BBX: variants seen among roughly 807,000 people sequenced by gnomAD.
BBX encodes HMG box transcription factor BBX.
A neutral mutation model predicts 100.2 loss-of-function variants in BBX; 30 were observed. The ratio of observed to expected loss-of-function variants is 0.30; its 90% CI spans 0.22 to 0.41. The LOEUF is 0.41. Ranked by LOEUF, BBX falls within the 10% of genes least tolerant of loss-of-function variation. The pLI, the probability that BBX is intolerant of heterozygous loss-of-function variation, is 1.00. For missense variants in BBX, 1,023 were observed against 1,129.8 expected, an observed-to-expected ratio of 0.91 and a Z score of 1.35; for synonymous variants, 376 against 388.1, an observed-to-expected ratio of 0.97 and a Z score of 0.37.
intron 3 of BBX, among the ~76,000 whole-genome samples, chr3:107,690,695 A>G (rs1393283753): frequency 6.6e-6 from 1 of 152,040 alleles, no homozygotes; most frequent in Non-Finnish European, 1.5e-5. Flanking sequence ...TAGAAAATAA[A>G]AATTTGGCCA....
intron 2 of BBX, among the ~76,000 whole-genome samples, chr3:107,610,379 C>T (rs1038056035): frequency 1.3e-5 from 2 of 152,034 alleles, no homozygotes; most frequent in African/African-American, 2.4e-5. Context: ...TTCATTTGAT[C>T]TGTAGCATAG....
chr3:107,754,984 A>G (rs941421450), intron 9 of BBX, among the ~76,000 whole-genome samples: 1 of 152,212 alleles, frequency 6.6e-6, no homozygotes, highest in Non-Finnish European at 1.5e-5. Context: ...AATGTTGTAC[A>G]TATGTTATGT....
chr3:107,732,358 C>A (rs912358384), intron 6 of BBX, among the ~76,000 whole-genome samples: 1 of 152,120 alleles, frequency 6.6e-6, no homozygotes, highest in Non-Finnish European at 1.5e-5. Context: ...ACCTTGAAGG[C>A]ATTTTGGGCA....
chr3:107,793,870 T>C (rs1328076670), intron 15 of BBX, among the ~76,000 whole-genome samples: 3 of 152,130 alleles, frequency 2.0e-5, no homozygotes, highest in Non-Finnish European at 4.4e-5. Flanking sequence ...TTTTTCAAAA[T>C]ATCAGAAATA....
At chr3:107,659,691 C>T (rs2058343000) in intron 3 of BBX, 1 of 1,266,144 alleles carries the variant, frequency 7.9e-7, no homozygotes, top group Non-Finnish European at 1.0e-6. Context: ...AACCACACCA[C>T]CACACTGCCT....
At chr3:107,747,228 AGT>A (rs148845246) in intron 8 of BBX, among the ~76,000 whole-genome samples, 2,556 of 147,670 alleles carry the variant, frequency 0.017, 41 homozygotes, top group Middle Eastern at 0.049. Flanking sequence ...CTAACGTGTG[AGT>A]GTGTGTGTGT....
intron 16 of BBX, among the ~76,000 whole-genome samples, chr3:107,799,785 CTGTT>C (rs1356705183): frequency 1.3e-5 from 2 of 152,164 alleles, no homozygotes; most frequent in East Asian, 3.9e-4. Context: ...GGCCTGTTGT[CTGTT>C]TGCTGTTCCT....
At chr3:107,780,309 G>A (rs1212622346) in intron 13 of BBX, among the ~76,000 whole-genome samples, 5 of 152,068 alleles carry the variant, frequency 3.3e-5, no homozygotes, top group East Asian at 3.8e-4. Context: ...AAACATTCAC[G>A]TTAGAGCTTT....
At position 107,805,556 on chromosome 3, in the gene BBX, G is replaced by T; in HGVS notation, c.*99G>T. The stretch of plus-strand genomic sequence containing the variant: ...GTCCAAGTGGTGGAAAATATAGACT[G>T]CAAACAAGTGCTTGTTGCCCCACAC... On this transcript the variant is annotated 3_prime_UTR_variant, in exon 18 of 18. Transcript: ENST00000325805. The T allele has an allele frequency of 6.3e-7, 1 of 1,594,322 alleles. No individual in the cohort carries two copies. The highest frequency in any genetic ancestry group is 1.7e-4 in the Middle Eastern group (1 of 6,012).
At position 107,584,059 on chromosome 3, in the gene BBX, T is replaced by C. The variant is rs1346655927; in HGVS notation, c.-84+57661T>C. Among the ~76,000 whole-genome samples, 13 of 24,788 alleles carry C rather than the reference T, an allele frequency of 5.2e-4. 1 individual carries two copies. The highest frequency in any genetic ancestry group is 2.4e-3 in the African/African-American group (12 of 4,974). 16.3% of individuals were successfully genotyped at this position (24,788 alleles called of 152,430 possible). On this transcript the variant is annotated intron_variant, in intron 2 of 17. Coordinates refer to ENST00000325805, the MANE Select transcript of BBX (RefSeq NM_001142568.3). ...AATTATATATATTATATATATTATA[T>C]ATATCATATATTATATATATTATAT...
At chr3:107,541,272 G>T (rs1201190186) in intron 2 of BBX, among the ~76,000 whole-genome samples, 2 of 152,114 alleles carry the variant, frequency 1.3e-5, no homozygotes, top group Admixed American at 6.6e-5. Flanking sequence ...ATATATTCTG[G>T]CCATTTGTCT....
At chr3:107,781,366 A>G (rs891096555) in intron 13 of BBX, among the ~76,000 whole-genome samples, 2 of 152,082 alleles carry the variant, frequency 1.3e-5, no homozygotes, top group Non-Finnish European at 2.9e-5. Context: ...AACTTGGGCT[A>G]TGTTATAGAA....
At chr3:107,557,514 C>A (rs2050170061) in intron 2 of BBX, among the ~76,000 whole-genome samples, 1 of 152,192 alleles carries the variant, frequency 6.6e-6, no homozygotes, top group African/African-American at 2.4e-5. Context: ...CAGTCACATT[C>A]ATTGTTTTTG....
intron 3 of BBX, among the ~76,000 whole-genome samples, chr3:107,707,331 C>A (rs147230308): frequency 6.6e-6 from 1 of 152,290 alleles, no homozygotes. Context: ...AAAAGAATAT[C>A]TGAATTCAGG....
intron 13 of BBX, among the ~76,000 whole-genome samples, chr3:107,783,468 A>T (rs1432525750): frequency 1.3e-5 from 2 of 152,052 alleles, no homozygotes; most frequent in Non-Finnish European, 2.9e-5. Context: ...GGGTCCAAAA[A>T]TATGTATTTC....
chr3:107,643,519 G>A (rs906753680), intron 2 of BBX, among the ~76,000 whole-genome samples: 4 of 152,036 alleles, frequency 2.6e-5, no homozygotes, highest in African/African-American at 9.7e-5. Context: ...AAGGCTCTGT[G>A]GGGGTGATTG....
chr3:107,536,575 T>C (rs1475584277), intron 2 of BBX, among the ~76,000 whole-genome samples: 1 of 152,222 alleles, frequency 6.6e-6, no homozygotes, highest in Admixed American at 6.5e-5. Context: ...TCACATTGGT[T>C]GGTAAACGGA....
chr3:107,788,815 G>C (rs1348457219), intron 13 of BBX, among the ~76,000 whole-genome samples: 1 of 152,074 alleles, frequency 6.6e-6, no homozygotes, highest in African/African-American at 2.4e-5. Flanking sequence ...AATGGAAAGA[G>C]AGAAACTGGA....
chr3:107,583,237 A>C (rs955192761), intron 2 of BBX, among the ~76,000 whole-genome samples: 1 of 151,956 alleles, frequency 6.6e-6, no homozygotes, highest in East Asian at 1.9e-4. Flanking sequence ...TTGAGTAGTT[A>C]AGAGTCTTAT....
Sources: gnomAD v4.1 joint callset for allele counts (sites outside exome capture counted in the v4.1 genomes callset) on GRCh38, gnomAD v4.1.1 for gene constraint, MANE v1.5 for transcripts, NCBI Gene and HGNC (gene_info 2026-07-23, HGNC 2026-07-21) for gene names.